The following SGCZ variants were observed in gnomAD, a reference collection of about 807,000 sequenced individuals.
SGCZ encodes zeta-sarcoglycan.
SGCZ carries 40 observed loss-of-function variants against 41.3 expected under a neutral mutation model. The observed-to-expected ratio is 0.97, with a 90% CI of 0.75 to 1.26. The LOEUF (loss-of-function observed/expected upper bound fraction) is 1.26. Among genes scored for constraint, SGCZ ranks in the 50% most tolerant of loss-of-function variants. The pLI is 0.00. For missense variants in SGCZ, 552 were observed against 369.8 expected, an observed-to-expected ratio of 1.49 and a Z score of -4.04; for synonymous variants, 206 against 137.5, an observed-to-expected ratio of 1.50 and a Z score of -3.49.
At chr8:14,485,926 C>A (rs1262224615) in intron 2 of SGCZ, among the ~76,000 whole-genome samples, 1 of 147,546 alleles carries the variant, frequency 6.8e-6, no homozygotes, top group East Asian at 2.0e-4. Context: ...ACTGCAAGCT[C>A]CGCTTCCCGG....
intron 1 of SGCZ, among the ~76,000 whole-genome samples, chr8:15,206,984 A>G (rs893432419): frequency 6.6e-6 from 1 of 152,174 alleles, no homozygotes; most frequent in Non-Finnish European, 1.5e-5. Context: ...TGCAGAAAAA[A>G]GGAAAGAGTA....
intron 3 of SGCZ, among the ~76,000 whole-genome samples, chr8:14,271,000 G>A (rs1034362063): frequency 6.6e-6 from 1 of 152,154 alleles, no homozygotes; most frequent in Admixed American, 6.5e-5. Flanking sequence ...TGAACAGTGA[G>A]AACGCAAGGA....
At chr8:14,532,850 C>T (rs12542477) in intron 2 of SGCZ, among the ~76,000 whole-genome samples, 19,872 of 151,682 alleles carry the variant, frequency 0.13, 1,482 homozygotes, top group East Asian at 0.32. Context: ...ATAGAACTCT[C>T]TTTCATTCTT....
chr8:14,444,386 AC>A (rs1800368021), intron 2 of SGCZ, among the ~76,000 whole-genome samples: 1 of 152,096 alleles, frequency 6.6e-6, no homozygotes, highest in Non-Finnish European at 1.5e-5. Flanking sequence ...GGCACTATTC[AC>A]CATAGCAAAG....
intron 1 of SGCZ, among the ~76,000 whole-genome samples, chr8:14,917,135 G>T (rs906452100): frequency 1.1e-4 from 16 of 152,154 alleles, no homozygotes; most frequent in Admixed American, 1.0e-3. Context: ...AATATACATT[G>T]CCAGGTAAAT....
intron 2 of SGCZ, among the ~76,000 whole-genome samples, chr8:14,503,005 T>C (rs28858073): frequency 0.019 from 2,924 of 152,266 alleles, 59 homozygotes; most frequent in African/African-American, 0.047. Context: ...TGTATGTTTA[T>C]TGCAGCACTA....
At chr8:14,949,887 C>A (rs183801666) in intron 1 of SGCZ, among the ~76,000 whole-genome samples, 5 of 152,004 alleles carry the variant, frequency 3.3e-5, no homozygotes, top group Admixed American at 6.6e-5. Flanking sequence ...AAGAGTTTGG[C>A]AAAAGATCGG....
intron 1 of SGCZ, among the ~76,000 whole-genome samples, chr8:14,946,433 G>A (rs1296836017): frequency 6.6e-6 from 1 of 151,940 alleles, no homozygotes; most frequent in Non-Finnish European, 1.5e-5. Flanking sequence ...ATAGCAGCAG[G>A]GTGGTTTTTG....
chr8:14,994,784 A>G (rs1419738704), intron 1 of SGCZ, among the ~76,000 whole-genome samples: 1 of 152,086 alleles, frequency 6.6e-6, no homozygotes, highest in Admixed American at 6.6e-5. Context: ...ATTCAGAAAA[A>G]AATCTTCATT....
At chr8:14,876,918 G>A (rs1448941827) in intron 1 of SGCZ, among the ~76,000 whole-genome samples, 3 of 151,800 alleles carry the variant, frequency 2.0e-5, no homozygotes, top group Admixed American at 1.3e-4. Flanking sequence ...GCATTGGAGA[G>A]GTTCCACTGA....
intron 5 of SGCZ, among the ~76,000 whole-genome samples, chr8:14,152,230 A>G (rs190835913): frequency 0.015 from 2,276 of 151,426 alleles, 47 homozygotes; most frequent in African/African-American, 0.052. Flanking sequence ...CCTCAAAACC[A>G]TAACAAAAAA....
At chr8:15,130,010 A>C (rs1442111999) in intron 1 of SGCZ, among the ~76,000 whole-genome samples, 1 of 152,122 alleles carries the variant, frequency 6.6e-6, no homozygotes, top group Non-Finnish European at 1.5e-5. Flanking sequence ...CTGTATGACT[A>C]AGTAGGCCAA....
chr8:14,335,053 G>A (rs985619620), intron 2 of SGCZ, among the ~76,000 whole-genome samples: 1 of 152,092 alleles, frequency 6.6e-6, no homozygotes, highest in Non-Finnish European at 1.5e-5. Context: ...AGCACATGAA[G>A]ACACAGATGA....
At chr8:14,190,225 G>A (rs1585215579) in intron 4 of SGCZ, among the ~76,000 whole-genome samples, 1 of 151,784 alleles carries the variant, frequency 6.6e-6, no homozygotes, top group Admixed American at 6.6e-5. Flanking sequence ...TGTTAGCCAG[G>A]ATGGTCTCGA....
At chr8:14,104,435 A>C (rs1014956651) in intron 6 of SGCZ, among the ~76,000 whole-genome samples, 1 of 152,122 alleles carries the variant, frequency 6.6e-6, no homozygotes, top group African/African-American at 2.4e-5. Flanking sequence ...AAATTAAAAA[A>C]AAAATCTGTG....
At chr8:14,566,107 T>C (rs1585085119) in intron 1 of SGCZ, among the ~76,000 whole-genome samples, 2 of 152,264 alleles carry the variant, frequency 1.3e-5, no homozygotes, top group East Asian at 3.9e-4. Flanking sequence ...TTTAAACAAA[T>C]GAAACAGAAG....
At chr8:14,640,628 A>G (rs1806990576) in intron 1 of SGCZ, among the ~76,000 whole-genome samples, 1 of 145,766 alleles carries the variant, frequency 6.9e-6, no homozygotes, top group African/African-American at 2.6e-5. Context: ...ACACACATAT[A>G]TGTGCAAACA....
chr8:14,933,817 G>A (rs1799999190), intron 1 of SGCZ, among the ~76,000 whole-genome samples: 1 of 151,972 alleles, frequency 6.6e-6, no homozygotes, highest in African/African-American at 2.4e-5. Flanking sequence ...CTAATATCTA[G>A]TCTAATTGGC....
At chr8:14,626,100 AAC>A in intron 1 of SGCZ, among the ~76,000 whole-genome samples, 1 of 152,172 alleles carries the variant, frequency 6.6e-6, no homozygotes, top group East Asian at 1.9e-4. Flanking sequence ...TGATTAACAT[AAC>A]ACAGAGTTAT....
Sources: allele counts gnomAD v4.1 joint callset (sites outside exome capture counted in the v4.1 genomes callset), GRCh38; gene constraint gnomAD v4.1.1; transcripts MANE v1.5; gene names NCBI Gene and HGNC (gene_info 2026-07-23, HGNC 2026-07-21).